The following KLHL13 variants were observed in gnomAD, a reference collection of about 807,000 sequenced individuals.
KLHL13 encodes kelch like family member 13.
In KLHL13, 10 loss-of-function variants were observed where a neutral mutation model predicts 37.1. The ratio of observed to expected loss-of-function variants is 0.27; its 90% CI spans 0.17 to 0.46. The LOEUF (loss-of-function observed/expected upper bound fraction) is 0.46. Ranked by LOEUF, KLHL13 falls within the 20% of genes least tolerant of loss-of-function variation. The probability of loss-of-function intolerance (pLI) is 1.00; values close to 1 mark genes in which losing one functional copy is unlikely to be tolerated. For synonymous variants in KLHL13, 163 were observed against 181.2 expected (o/e 0.90, Z 0.81); for missense variants, 360 against 509.3 (o/e 0.71, Z 2.82).
intron 2 of KLHL13, among the ~76,000 whole-genome samples, chrX:117,926,632 T>A (rs1322234263): frequency 9.0e-6 from 1 of 110,918 alleles, no homozygotes; most frequent in Non-Finnish European, 1.9e-5. Flanking sequence ...AAGTTTGCTC[T>A]AGAATAAATG....
chrX:118,050,302 G>A (rs2054600344), intron 1 of KLHL13, among the ~76,000 whole-genome samples: 1 of 111,901 alleles, frequency 8.9e-6, no homozygotes, highest in South Asian at 3.8e-4. Context: ...ACTCATCATT[G>A]CAATTGGCTT....
At chrX:118,073,567 C>T (rs1056841390) in intron 1 of KLHL13, among the ~76,000 whole-genome samples, 1 of 111,661 alleles carries the variant, frequency 9.0e-6, no homozygotes, top group African/African-American at 3.3e-5. Flanking sequence ...AGTAGATTGA[C>T]TGAAATTTCA....
chrX:118,104,051 A>C (rs1217077760), intron 1 of KLHL13, among the ~76,000 whole-genome samples: 1 of 83,253 alleles, frequency 1.2e-5, no homozygotes, highest in African/African-American at 5.3e-5. Flanking sequence ...TTTCCACTAA[A>C]AAAAAAAAAA....
intron 1 of KLHL13, among the ~76,000 whole-genome samples, chrX:118,008,793 G>C (rs769799588): frequency 9.0e-6 from 1 of 111,506 alleles, no homozygotes; most frequent in Non-Finnish European, 1.9e-5. Context: ...CTTATTTACT[G>C]TGTGGCCTTA....
intron 1 of KLHL13, among the ~76,000 whole-genome samples, chrX:117,996,599 G>C (rs1237839882): frequency 9.0e-6 from 1 of 111,313 alleles, no homozygotes; most frequent in Non-Finnish European, 1.9e-5. Context: ...CCTGAACACT[G>C]CACCAGTAAT....
At chrX:117,913,996 T>C (rs5955988) in intron 4 of KLHL13, among the ~76,000 whole-genome samples, 6,396 of 110,789 alleles carry the variant, frequency 0.058, 441 homozygotes, top group African/African-American at 0.2. Flanking sequence ...CAAACAACAG[T>C]CATAGTCATC....
intron 1 of KLHL13, among the ~76,000 whole-genome samples, chrX:118,071,011 G>GT (rs1319346724): frequency 1.8e-5 from 2 of 109,329 alleles, no homozygotes; most frequent in South Asian, 4.0e-4. Flanking sequence ...GTGGTGTTTG[G>GT]TTTTTTCTTC....
At chrX:117,929,966 A>C (rs1386970777) in intron 2 of KLHL13, among the ~76,000 whole-genome samples, 3 of 108,279 alleles carry the variant, frequency 2.8e-5, no homozygotes, top group African/African-American at 1.0e-4. Context: ...TGTCTCAAAA[A>C]AAAATTAGAA....
In KLHL13 at chrX:118,055,616, T is replaced by A. The variant is rs950832188; in HGVS notation, c.-56+60892A>T. On this transcript the variant is annotated intron_variant, in intron 1 of 6. Coordinates refer to the KLHL13 transcript ENST00000371882. ...GAAATTTAAGGGGTTGCAAAAAAAA[T>A]TCAGTAATAAAGATGAATATGCTAG... Among the ~76,000 whole-genome samples the A allele has an allele frequency of 3.6e-5, 4 of 111,165 alleles. No individual in the cohort carries two copies. In the East Asian group the frequency reaches 1.1e-3, roughly 31 times the overall value.
At chrX:118,048,656 G>A (rs903131402) in intron 1 of KLHL13, among the ~76,000 whole-genome samples, 2 of 111,892 alleles carry the variant, frequency 1.8e-5, no homozygotes, top group African/African-American at 6.5e-5. Context: ...TAGATGTGCA[G>A]ACGGGATATG....
intron 2 of KLHL13, among the ~76,000 whole-genome samples, chrX:117,930,927 A>G (rs914267833): frequency 1.1e-4 from 12 of 112,198 alleles, no homozygotes; most frequent in Non-Finnish European, 2.3e-4. Flanking sequence ...TTATGTTAAC[A>G]ACGTACTAAC....
At chrX:118,102,058 C>T (rs757221592) in intron 1 of KLHL13, among the ~76,000 whole-genome samples, 2 of 111,479 alleles carry the variant, frequency 1.8e-5, no homozygotes, top group South Asian at 7.6e-4. Context: ...TCCAAGTAGT[C>T]CCCATAAGGC....
chrX:117,974,411 A>C (rs1480476985), upstream of KLHL13, among the ~76,000 whole-genome samples: 1 of 112,105 alleles, frequency 8.9e-6, no homozygotes, highest in African/African-American at 3.2e-5. Flanking sequence ...CCAAACAATA[A>C]ACTCATGCTT....
chrX:118,058,599 T>A (rs1382053596), intron 1 of KLHL13, among the ~76,000 whole-genome samples: 1 of 112,214 alleles, frequency 8.9e-6, no homozygotes, highest in Non-Finnish European at 1.9e-5. Context: ...GTCATGAATT[T>A]ATCACCCAAA....
At chrX:117,910,542 A>G (rs1395273117) in intron 4 of KLHL13, among the ~76,000 whole-genome samples, 1 of 110,692 alleles carries the variant, frequency 9.0e-6, no homozygotes, top group African/African-American at 3.3e-5. Flanking sequence ...TAGCAGATCC[A>G]TGAACAGAAA....
chrX:118,032,170 G>A (rs919299440), intron 1 of KLHL13, among the ~76,000 whole-genome samples: 3 of 111,106 alleles, frequency 2.7e-5, no homozygotes, highest in African/African-American at 6.6e-5. Flanking sequence ...GGGGAGGGGC[G>A]CCCACCATTG....
At chrX:117,956,155 C>A (rs999569101) in intron 1 of KLHL13, among the ~76,000 whole-genome samples, 1 of 111,818 alleles carries the variant, frequency 8.9e-6, no homozygotes, top group African/African-American at 3.2e-5. Context: ...ACCAAAACTA[C>A]CATAAGTGTT....
intron 1 of KLHL13, among the ~76,000 whole-genome samples, chrX:117,979,506 C>A (rs2053635744): frequency 9.0e-6 from 1 of 111,334 alleles, no homozygotes; most frequent in Admixed American, 9.6e-5. Flanking sequence ...TAGCACCATT[C>A]CTGGCCCGTT....
At chrX:117,970,106 G>A (rs5955993) in intron 1 of KLHL13, among the ~76,000 whole-genome samples, 3 of 110,994 alleles carry the variant, frequency 2.7e-5, no homozygotes, top group South Asian at 7.6e-4. Context: ...ACCATGGAGC[G>A]TTTAGATTTT....
Sources: gnomAD v4.1 joint callset for allele counts (sites outside exome capture counted in the v4.1 genomes callset) on GRCh38, gnomAD v4.1.1 for gene constraint, MANE v1.5 for transcripts, NCBI Gene and HGNC (gene_info 2026-07-23, HGNC 2026-07-21) for gene names.